NSG2: variants seen among roughly 807,000 people sequenced by gnomAD.
NSG2 encodes the protein neuronal vesicle trafficking associated 2, also known as neuronal vesicle trafficking-associated protein 2.
NSG2 carries 4 observed loss-of-function variants against 16.9 expected under a neutral mutation model. The observed-to-expected ratio is 0.24, with a 90% CI of 0.12 to 0.54. NSG2 has a LOEUF of 0.54. NSG2 is among the 20% of genes least tolerant of loss of function. The probability of loss-of-function intolerance (pLI) is 0.95; values close to 1 mark genes in which losing one functional copy is unlikely to be tolerated. For missense variants in NSG2, 179 were observed against 221.1 expected, an observed-to-expected ratio of 0.81 and a Z score of 1.21; for synonymous variants, 98 against 88.7, an observed-to-expected ratio of 1.11 and a Z score of -0.59.
At chr5:174,092,501 G>A (rs540569374) in intron 3 of NSG2, among the ~76,000 whole-genome samples, 5 of 152,236 alleles carry the variant, frequency 3.3e-5, no homozygotes, top group Non-Finnish European at 7.3e-5. Context: ...GGTTGGGGAG[G>A]ACGGATCACA....
At position 174,078,276 on chromosome 5, in the gene NSG2, CCA is replaced by C. The variant is rs368501074; in HGVS notation, c.213+13978_213+13979del. ...TATATGTACAGTACACGCACACACACCACACACACACACACACAGACACACAC... is the reference window on the plus strand; with the variant it reads ...TATATGTACAGTACACGCACACACACCACACACACACACACAGACACACAC... On this transcript the variant is annotated intron_variant, in intron 3 of 4. Transcript: ENST00000303177. 1.3e-3 allele frequency among the ~76,000 whole-genome samples: 195 copies of C among 149,334 alleles called. No individual in the cohort carries two copies. The South Asian group carries it at 0.015, about 12-fold the overall frequency.
chr5:174,078,682 G>A (rs1561667942), intron 3 of NSG2, among the ~76,000 whole-genome samples: 5 of 152,150 alleles, frequency 3.3e-5, no homozygotes, highest in Admixed American at 1.3e-4. Context: ...ATTAGGTCAC[G>A]GGGGTGGAGC....
chr5:174,066,085 T>C (rs1349514170), intron 3 of NSG2: 2 of 390,118 alleles, frequency 5.1e-6, no homozygotes, highest in Admixed American at 2.7e-5. Context: ...CAGCTGCGTA[T>C]GTGGCCCAGG....
rs568264494 is a variant in NSG2, at chr5:174,055,253, T to A, written c.129+8369T>A. ...GGAGCTGGAAGTCCCCCGTAGAGGA[T>A]CCTGTGGAGAGCACCTCATCTTGCC... is the stretch of plus-strand genomic sequence containing the variant. On this transcript the variant is annotated intron_variant, in intron 2 of 4. Transcript: ENST00000303177. Among the ~76,000 whole-genome samples the A allele has an allele frequency of 4.6e-5, 7 of 152,206 alleles. No individual in the cohort carries two copies. In the South Asian group the frequency reaches 1.2e-3, roughly 27 times the overall value.
At position 174,107,590 on chromosome 5, in the gene NSG2, G is replaced by C. The variant is rs1761003896; in HGVS notation, c.*85G>C. Reference sequence around the variant, plus strand: ...CAAGCTCCAGTTACAAGACAACACTGTACTCCTGGGATATGGGGGCGGGGG... The same window carrying C: ...CAAGCTCCAGTTACAAGACAACACTCTACTCCTGGGATATGGGGGCGGGGG... On this transcript the variant is annotated 3_prime_UTR_variant, in exon 5 of 5. Coordinates refer to ENST00000303177, the MANE Select transcript of NSG2 (RefSeq NM_015980.5). This position sits in a 1 kb window ranked among gnomAD's most constrained non-coding sequence, Gnocchi z 4.5. 1.3e-6 allele frequency: 1 copy of C among 778,392 alleles called. No homozygotes were observed. Among genetic ancestry groups the C allele is most frequent in the Non-Finnish European group, 2.0e-6 (1 of 509,534 alleles). The allele number at this position is 778,392 out of a possible 1,614,324, so 48.2% of individuals were successfully genotyped here.
chr5:174,102,564 T>C (rs1404358247), intron 3 of NSG2, among the ~76,000 whole-genome samples: 1 of 151,630 alleles, frequency 6.6e-6, no homozygotes, highest in Non-Finnish European at 1.5e-5. Flanking sequence ...ATGGGGTCAG[T>C]GCAAGCCTAG....
chr5:174,095,945 G>T (rs866005386), intron 3 of NSG2, among the ~76,000 whole-genome samples: 19 of 152,236 alleles, frequency 1.2e-4, no homozygotes, highest in African/African-American at 4.3e-4. Context: ...TTATGAGGAG[G>T]ATAGCATAGG....
At chr5:174,078,629 C>T (rs1408418824) in intron 3 of NSG2, among the ~76,000 whole-genome samples, 1 of 152,142 alleles carries the variant, frequency 6.6e-6, no homozygotes, top group Non-Finnish European at 1.5e-5. Flanking sequence ...TGCTAACCCC[C>T]AAGTTCATAT....
At chr5:174,084,520 G>C (rs535170809) in intron 3 of NSG2, among the ~76,000 whole-genome samples, 1 of 152,158 alleles carries the variant, frequency 6.6e-6, no homozygotes, top group Non-Finnish European at 1.5e-5. Context: ...GGCCTGATGC[G>C]AGTTCCTTCC....
intron 3 of NSG2, among the ~76,000 whole-genome samples, chr5:174,099,020 A>T (rs929097465): frequency 5.9e-5 from 9 of 152,142 alleles, no homozygotes; most frequent in African/African-American, 2.2e-4. Context: ...TCATGTTCAG[A>T]GGTGCTTTGT....
At chr5:174,073,341 G>T (rs1325812466) in intron 3 of NSG2, among the ~76,000 whole-genome samples, 4 of 152,176 alleles carry the variant, frequency 2.6e-5, no homozygotes, top group African/African-American at 9.7e-5. Flanking sequence ...TGTTGTCTTG[G>T]TTTTTATTGC....
intron 3 of NSG2, among the ~76,000 whole-genome samples, chr5:174,085,933 C>T (rs546941433): frequency 6.6e-6 from 1 of 152,356 alleles, no homozygotes; most frequent in South Asian, 2.1e-4. Flanking sequence ...TAAACTAAAG[C>T]AATGCACGCA....
At chr5:174,089,552 G>A (rs141530533) in intron 3 of NSG2, among the ~76,000 whole-genome samples, 63 of 151,948 alleles carry the variant, frequency 4.1e-4, no homozygotes, top group South Asian at 4.0e-3. Flanking sequence ...GCTTCTCCGT[G>A]CAGGAAGAAT....
intron 3 of NSG2, among the ~76,000 whole-genome samples, chr5:174,086,849 G>A (rs1035841999): frequency 7.9e-5 from 12 of 152,190 alleles, no homozygotes; most frequent in Non-Finnish European, 1.8e-4. Flanking sequence ...AGGGCCCTCG[G>A]ACCCTCGCTC....
At chr5:174,106,553 T>C (rs1403042939) in intron 4 of NSG2, among the ~76,000 whole-genome samples, 1 of 146,396 alleles carries the variant, frequency 6.8e-6, no homozygotes, top group Non-Finnish European at 1.5e-5. Context: ...TGCAAATACA[T>C]CATTACATGA....
chr5:174,048,461 G>A (rs570599515), intron 2 of NSG2, among the ~76,000 whole-genome samples: 2 of 152,296 alleles, frequency 1.3e-5, no homozygotes, highest in Admixed American at 6.5e-5. Flanking sequence ...TGAAAATTTG[G>A]TGAGTTATCC....
chr5:174,068,464 T>A (rs1314937831), intron 3 of NSG2, among the ~76,000 whole-genome samples: 2 of 152,204 alleles, frequency 1.3e-5, no homozygotes, highest in African/African-American at 4.8e-5. Context: ...TCTCTAAAAC[T>A]GATTTTGCTA....
Position 174,057,027 on chromosome 5 carries a change from C to T in NSG2, c.130-7205C>T, listed in dbSNP as rs116172415. Among the ~76,000 whole-genome samples, 1,184 of 152,304 alleles carry T rather than the reference C, an allele frequency of 7.8e-3. 18 individuals carry two copies. Among genetic ancestry groups the T allele is most frequent in the African/African-American group, 0.025 (1,049 of 41,550 alleles). ...TTATGTTCTTCATATTAGCAGCTGA[C>T]AGGACAATGGGGATCCAATGTGTAA... On this transcript the variant is annotated intron_variant, in intron 2 of 4. Transcript: ENST00000303177.
chr5:174,107,807 GA>G lies in NSG2; in HGVS notation c.*306del. ...AAAGCCACTGCTTATTCTTTGTTAGGAAAATGTAACAGCAGAAAAGGAAAGA... is the reference window on the plus strand; with the variant it reads ...AAAGCCACTGCTTATTCTTTGTTAGGAAATGTAACAGCAGAAAAGGAAAGA... On this transcript the variant is annotated 3_prime_UTR_variant, in exon 5 of 5. Transcript: ENST00000303177. This position sits in a 1 kb window ranked among gnomAD's most constrained non-coding sequence, Gnocchi z 4.5. 1.8e-6 allele frequency: 1 copy of G among 562,114 alleles called. No homozygotes were observed. Among genetic ancestry groups the G allele is most frequent in the Non-Finnish European group, 3.4e-6 (1 of 297,900 alleles). 34.8% of individuals were successfully genotyped at this position (562,114 alleles called of 1,614,324 possible).
Sources: gnomAD v4.1 joint callset for allele counts (sites outside exome capture counted in the v4.1 genomes callset) on GRCh38, gnomAD v4.1.1 for gene constraint, Gnocchi (gnomAD v3.1) non-coding constraint, MANE v1.5 for transcripts, NCBI Gene and HGNC (gene_info 2026-07-23, HGNC 2026-07-21) for gene names.